Variants in SPIRE1 observed in about 807,000 individuals in gnomAD.
The protein encoded by SPIRE1 is protein spire homolog 1.
In SPIRE1, 40 loss-of-function variants were observed where a neutral mutation model predicts 94.1. The observed-to-expected ratio is 0.43, with a 90% CI of 0.33 to 0.55. SPIRE1 has a LOEUF of 0.55. Ranked by LOEUF, SPIRE1 falls within the 20% of genes least tolerant of loss-of-function variation. The pLI is 0.06. For missense variants in SPIRE1, 838 were observed against 975.2 expected (o/e 0.86, Z 1.87); for synonymous variants, 376 against 371.7 (o/e 1.01, Z -0.13).
rs758917478 is a variant in SPIRE1 at position 12,449,686 on chromosome 18, T to A, written c.2223A>T (p.Pro741=). The change falls in exon 17 of 17, where the codon CCA becomes CCT. Residue 741 remains proline (P), a synonymous_variant. Coordinates refer to ENST00000409402, the MANE Select transcript of SPIRE1 (RefSeq NM_001128626.2). ...CTGAAGGGCAGTACTCCGAGGGGCC[T>A]GGCGAGGACATGTAGAAAGACTGCG... ...RKTQSFYMSS[P]GPSEYCPSER... The A allele has an allele frequency of 4.3e-6, 7 of 1,614,068 alleles. No homozygotes were observed. In the African/African-American group the frequency reaches 6.7e-5, roughly 15 times the overall value.
At position 12,521,336 on chromosome 18, in the gene SPIRE1, C is replaced by CTT. The variant is rs377466869; in HGVS notation, c.730-8807_730-8806dup. Among the ~76,000 whole-genome samples the CTT allele has an allele frequency of 5.0e-4, 72 of 143,470 alleles. No homozygotes were observed. In the East Asian group the frequency reaches 7.0e-3, roughly 14 times the overall value. 94.1% of individuals were successfully genotyped at this position (143,470 alleles called of 152,430 possible). On this transcript the variant is annotated intron_variant, in intron 4 of 16. Coordinates refer to ENST00000409402, the MANE Select transcript of SPIRE1 (RefSeq NM_001128626.2). Reference sequence around the variant, plus strand: ...TTCGCTTTGTTGTACATAGCAGATACTTTTTTTTTTTTTTTGGACACAGTT... The same window carrying CTT: ...TTCGCTTTGTTGTACATAGCAGATACTTTTTTTTTTTTTTTTTGGACACAGTT...
At chr18:12,540,865 T>C (rs1748823814) in intron 3 of SPIRE1, among the ~76,000 whole-genome samples, 1 of 152,250 alleles carries the variant, frequency 6.6e-6, no homozygotes, top group South Asian at 2.1e-4. Context: ...AATTATATGC[T>C]GTGCTGAGTT....
chr18:12,453,004 A>G (rs901026296), intron 14 of SPIRE1, 64 bp downstream of exon 14: 9 of 1,000,582 alleles, frequency 9.0e-6, no homozygotes, highest in Non-Finnish European at 1.2e-5. Context: ...GAAATAAGGA[A>G]GATAATTGGT....
At position 12,584,167 on chromosome 18, in the gene SPIRE1, C is replaced by T. The variant is rs191502669; in HGVS notation, c.373-37263G>A. Among the ~76,000 whole-genome samples, 197 of 152,182 alleles carry T rather than the reference C, an allele frequency of 1.3e-3. 2 individuals are homozygous for T. The highest frequency in any genetic ancestry group is 4.6e-3 in the African/African-American group (192 of 41,512). ...AAAATGGGCCAGACACAGTGGCTCA[C>T]GTCTATAATCCCAGCACTTTGGGAG... On this transcript the variant is annotated intron_variant, in intron 2 of 16. Coordinates refer to ENST00000409402, the MANE Select transcript of SPIRE1 (RefSeq NM_001128626.2).
chr18:12,518,724 AAAAC>A (rs1478820996), intron 4 of SPIRE1, among the ~76,000 whole-genome samples: 5 of 152,116 alleles, frequency 3.3e-5, no homozygotes, highest in Middle Eastern at 3.2e-3. Flanking sequence ...AAAACAAAAA[AAAAC>A]AAAGAAATTA....
intron 10 of SPIRE1, among the ~76,000 whole-genome samples, chr18:12,479,221 C>G (rs575587318): frequency 7.0e-6 from 1 of 142,704 alleles, no homozygotes; most frequent in Non-Finnish European, 1.5e-5. Context: ...GTTGCCCAGG[C>G]TGGAATGCAG....
intron 2 of SPIRE1, among the ~76,000 whole-genome samples, chr18:12,561,372 C>T (rs182284580): frequency 2.0e-5 from 3 of 151,276 alleles, no homozygotes; most frequent in African/African-American, 2.4e-5. Flanking sequence ...CAGGTTCAGG[C>T]GATTCTCCTG....
At chr18:12,595,608 T>C (rs1023912165) in intron 2 of SPIRE1, among the ~76,000 whole-genome samples, 11 of 152,242 alleles carry the variant, frequency 7.2e-5, no homozygotes, top group African/African-American at 2.7e-4. Context: ...AAGTTGTATC[T>C]GTGTTTTTTA....
At chr18:12,617,998 T>A (rs1014176900) in intron 2 of SPIRE1, among the ~76,000 whole-genome samples, 3 of 152,250 alleles carry the variant, frequency 2.0e-5, no homozygotes, top group Non-Finnish European at 4.4e-5. Flanking sequence ...TTTTTACCTG[T>A]AGTTCCATGT....
intron 2 of SPIRE1, among the ~76,000 whole-genome samples, chr18:12,629,925 A>C (rs2037730257): frequency 6.6e-6 from 1 of 152,210 alleles, no homozygotes; most frequent in Admixed American, 6.5e-5. Flanking sequence ...AACATTTTCC[A>C]AACAGTAAGA....
At chr18:12,459,849 C>CCTTT (rs2031698877) in intron 12 of SPIRE1, 1 of 985,792 alleles carries the variant, frequency 1.0e-6, no homozygotes, top group Non-Finnish European at 1.2e-6. Flanking sequence ...AGGATGAGAG[C>CCTTT]TGAGCAGAGA....
chr18:12,558,930 C>A (rs1343195632), intron 2 of SPIRE1, among the ~76,000 whole-genome samples: 1 of 152,232 alleles, frequency 6.6e-6, no homozygotes, highest in Non-Finnish European at 1.5e-5. Context: ...GAGCTAGACA[C>A]AGACTGCTGA....
At position 12,564,814 on chromosome 18, in the gene SPIRE1, G is replaced by A. The variant is rs1045908813; in HGVS notation, c.373-17910C>T. 5.3e-5 allele frequency among the ~76,000 whole-genome samples: 8 copies of A among 152,240 alleles called. No individual in the cohort carries two copies. The East Asian group carries it at 1.5e-3, about 29-fold the overall frequency. On this transcript the variant is annotated intron_variant, in intron 2 of 16. Transcript: ENST00000409402. ...TGGTCAGAGGAGGACCCTCACACTTGTGTATGTTTTACCGAAGAGAACTGA... is the reference window on the plus strand; with the variant it reads ...TGGTCAGAGGAGGACCCTCACACTTATGTATGTTTTACCGAAGAGAACTGA...
At chr18:12,576,074 A>C (rs1458866248) in intron 2 of SPIRE1, among the ~76,000 whole-genome samples, 2 of 151,942 alleles carry the variant, frequency 1.3e-5, no homozygotes, top group Non-Finnish European at 2.9e-5. Flanking sequence ...ATGGTGGTGC[A>C]TGTCTGTAAT....
upstream of SPIRE1, chr18:12,658,801 A>G: frequency 3.2e-6 from 1 of 313,496 alleles, no homozygotes; most frequent in Non-Finnish European, 6.5e-6. Context: ...GGGGATCTTT[A>G]CGGGTTTTCC....
chr18:12,591,744 G>A (rs549908131), intron 2 of SPIRE1, among the ~76,000 whole-genome samples: 29 of 152,178 alleles, frequency 1.9e-4, no homozygotes, highest in Admixed American at 1.4e-3. Flanking sequence ...TTAGGAGGCC[G>A]AGGTGGGCAG....
At chr18:12,479,962 AAC>A (rs1423786593) in intron 9 of SPIRE1, 91 bp from the exon 10 acceptor site, 2 of 1,262,594 alleles carry the variant, frequency 1.6e-6, no homozygotes, top group South Asian at 1.5e-5. Flanking sequence ...TTCATACAAA[AAC>A]ACAGAGGCTT....
At chr18:12,476,473 C>T (rs1170058315) in intron 10 of SPIRE1, among the ~76,000 whole-genome samples, 1 of 138,292 alleles carries the variant, frequency 7.2e-6, no homozygotes, top group Non-Finnish European at 1.5e-5. Context: ...CCTGGGAGGT[C>T]GAGTTTGCAG....
intron 2 of SPIRE1, among the ~76,000 whole-genome samples, chr18:12,622,382 T>A (rs1252312349): frequency 6.6e-6 from 1 of 151,684 alleles, no homozygotes; most frequent in Admixed American, 6.6e-5. Flanking sequence ...CAGACAGAAA[T>A]GTTTCTTCCC....
Sources: gnomAD v4.1 joint callset for allele counts (sites outside exome capture counted in the v4.1 genomes callset) on GRCh38, gnomAD v4.1.1 for gene constraint, MANE v1.5 for transcripts, NCBI Gene and HGNC (gene_info 2026-07-23, HGNC 2026-07-21) for gene names.